The following DENND3 variants were observed in gnomAD, a reference collection of about 807,000 sequenced individuals.
The protein encoded by DENND3 is DENN domain containing 3, also known as DENN domain-containing protein 3.
Under a neutral mutation model 135.1 loss-of-function variants are expected in DENND3, and 88 were observed. The observed-to-expected ratio is 0.65, with a 90% confidence interval of 0.55 to 0.78. DENND3 has a LOEUF of 0.78. Ranked by LOEUF, DENND3 falls within the 30% of genes least tolerant of loss-of-function variation. DENND3 has a pLI of 0.00. For synonymous variants in DENND3, 693 were observed against 712.3 expected (o/e 0.97, Z 0.43); for missense variants, 1,392 against 1,688.4 (o/e 0.82, Z 3.08).
chr8:141,193,319 A>G (rs1251826435), intron 22 of DENND3: 4 of 153,320 alleles, frequency 2.6e-5, no homozygotes, highest in African/African-American at 9.8e-5. Flanking sequence ...CACCCCCTCC[A>G]TCACTACATC....
At chr8:141,191,366 C>T (rs1413425109) in intron 20 of DENND3, 1 of 152,266 alleles carries the variant, frequency 6.6e-6, no homozygotes, top group Non-Finnish European at 1.5e-5. Flanking sequence ...ATATCAATAG[C>T]TCGTTCCTTC....
Position 141,178,206 on chromosome 8 carries a change from G to A in DENND3, c.2836+10G>A. 4 of 1,606,762 alleles carry A rather than the reference G, an allele frequency of 2.5e-6. No individual in the cohort carries two copies. Among genetic ancestry groups the A allele is most frequent in the Non-Finnish European group, 3.4e-6 (4 of 1,173,688 alleles). Reference sequence around the variant, plus strand: ...AAGATGAGTAACGAAAGTAAGATAAGCCCGTTCTTAGCGTGGATCATTGTC... The same window carrying A: ...AAGATGAGTAACGAAAGTAAGATAAACCCGTTCTTAGCGTGGATCATTGTC... On this transcript the variant is annotated intron_variant, in intron 16 of 22. Transcript: ENST00000519811.
intron 8 of DENND3, chr8:141,157,351 G>T: frequency 1.0e-6 from 1 of 985,408 alleles, no homozygotes. Flanking sequence ...CAGTGCCAGG[G>T]CTCCCTCGGG....
At chr8:141,145,829 A>C (rs1448889528) in intron 5 of DENND3, among the ~76,000 whole-genome samples, 1 of 36,428 alleles carries the variant, frequency 2.7e-5, no homozygotes, top group Admixed American at 2.5e-4. Context: ...ATATATATAT[A>C]TATATATATA....
At chr8:141,185,528 A>G in intron 18 of DENND3, 1 of 428,456 alleles carries the variant, frequency 2.3e-6, no homozygotes, top group Non-Finnish European at 4.2e-6. Flanking sequence ...AACAGATTTC[A>G]GGCCCCCATC....
At chr8:141,145,849 A>G (rs1378813700) in intron 5 of DENND3, among the ~76,000 whole-genome samples, 3 of 65,526 alleles carry the variant, frequency 4.6e-5, no homozygotes, top group Admixed American at 2.0e-4. Context: ...ATATATATAT[A>G]TGTATTTTTT....
At chr8:141,161,696 C>T (rs1266252163) in intron 9 of DENND3, among the ~76,000 whole-genome samples, 1 of 152,158 alleles carries the variant, frequency 6.6e-6, no homozygotes, top group East Asian at 1.9e-4. Flanking sequence ...TGCTGGCCTC[C>T]TCTGTTCTTG....
At chr8:141,157,676 T>C in intron 8 of DENND3, 1 of 986,040 alleles carries the variant, frequency 1.0e-6, no homozygotes. Flanking sequence ...TTCACCTGGC[T>C]TTTCTGATTT....
intron 10 of DENND3, 137 bp from the exon 11 acceptor site, chr8:141,165,049 C>G (rs753002619): frequency 4.7e-6 from 3 of 643,752 alleles, no homozygotes; most frequent in South Asian, 2.0e-5. Flanking sequence ...AGAAAACCCT[C>G]GAGTTCATTC....
chr8:141,150,411 GA>G (rs1818659465), intron 5 of DENND3: 1 of 944,484 alleles, frequency 1.1e-6, no homozygotes, highest in Admixed American at 3.6e-5. Flanking sequence ...AAGGAGCTTT[GA>G]CTATTAAATT....
rs1377307336 is a variant in DENND3, at chr8:141,175,422, C to G, written c.2498C>G (p.Pro833Arg). The G allele has an allele frequency of 6.2e-7, 1 of 1,614,170 alleles. No homozygotes were observed. ...CTGTTCCTCCTAACCGAAGGAAGGC[C>G]AGGCTACTTGGAGATTTCCACCTTC... ...KRLFLLTEGR[P>R]GYLEISTFRN... The change falls in exon 14 of 23, where the codon CCA becomes CGA. Residue 833 changes from proline (P) to arginine (R), a missense_variant. Transcript: ENST00000519811. This position sits in a 1 kb window ranked among gnomAD's most constrained non-coding sequence, Gnocchi z 5.4.
chr8:141,182,155 G>A lies in DENND3; in HGVS notation c.2944+1301G>A, dbSNP rs771938752. Among the ~76,000 whole-genome samples the A allele has an allele frequency of 3.9e-5, 6 of 152,200 alleles. No homozygotes were observed. The highest frequency in any genetic ancestry group is 1.2e-4 in the African/African-American group (5 of 41,448). On this transcript the variant is annotated intron_variant, in intron 17 of 22. Coordinates refer to ENST00000519811, the MANE Select transcript of DENND3 (RefSeq NM_001352890.3). This position sits in a 1 kb window ranked among gnomAD's most constrained non-coding sequence, Gnocchi z 5.9. Reference sequence around the variant, plus strand: ...GCATCTGCGTCTGCAGGTGTCAGCCGTAGGTGTCAGGGATGCAGATGTAGG... The same window carrying A: ...GCATCTGCGTCTGCAGGTGTCAGCCATAGGTGTCAGGGATGCAGATGTAGG...
chr8:141,174,863 A>G lies in DENND3; in HGVS notation c.2276-337A>G, dbSNP rs1030516879. On this transcript the variant is annotated intron_variant, in intron 13 of 22. Transcript: ENST00000519811. This position sits in a 1 kb window ranked among gnomAD's most constrained non-coding sequence, Gnocchi z 4.6. ...GATGAGGAAGGTCTTTGCCCCCATTAGAAGAGTGTCCTTGTCCGGAAGGAC... is the reference window on the plus strand; with the variant it reads ...GATGAGGAAGGTCTTTGCCCCCATTGGAAGAGTGTCCTTGTCCGGAAGGAC... Among the ~76,000 whole-genome samples, 2 of 152,196 alleles carry G rather than the reference A, an allele frequency of 1.3e-5. No homozygotes were observed. The highest frequency in any genetic ancestry group is 4.8e-5 in the African/African-American group (2 of 41,432).
At chr8:141,193,973 C>T in intron 22 of DENND3, 60 bp from the exon 23 acceptor site, 1 of 1,564,902 alleles carries the variant, frequency 6.4e-7, no homozygotes, top group Admixed American at 1.8e-5. Flanking sequence ...CCGGGCAAAG[C>T]CCTGGTGCTC....
intron 18 of DENND3, among the ~76,000 whole-genome samples, chr8:141,186,981 C>T (rs1823975260): frequency 6.6e-6 from 1 of 152,204 alleles, no homozygotes; most frequent in Non-Finnish European, 1.5e-5. Flanking sequence ...CCGTGGCCTG[C>T]GCGCCCTTTG....
chr8:141,168,638 T>G lies in DENND3; in HGVS notation c.2275+113T>G, dbSNP rs1265820183. ...ACAGCTCACTGCAACCTCCACCTCC[T>G]GGGCTCAAGCAGTCCTCCCACCTCA... On this transcript the variant is annotated intron_variant, in intron 13 of 22. Transcript: ENST00000519811. This position sits in a 1 kb window ranked among gnomAD's most constrained non-coding sequence, Gnocchi z 6.2. 1 of 1,360,788 alleles carries G rather than the reference T, an allele frequency of 7.3e-7. No homozygotes were observed. The highest frequency in any genetic ancestry group is 9.9e-7 in the Non-Finnish European group (1 of 1,014,730). The allele number at this position is 1,360,788 out of a possible 1,614,324, so 84.3% of individuals were successfully genotyped here.
chr8:141,191,287 T>C (rs1406734550), intron 20 of DENND3: 1 of 152,266 alleles, frequency 6.6e-6, no homozygotes, highest in Non-Finnish European at 1.5e-5. Context: ...CAGTAGGCCT[T>C]CTTCTGTATC....
chr8:141,190,661 CG>C, intron 20 of DENND3: 2 of 493,574 alleles, frequency 4.1e-6, no homozygotes, highest in Admixed American at 4.2e-5. Flanking sequence ...CTTGCCTGGA[CG>C]CACCACTGCT....
intron 13 of DENND3, among the ~76,000 whole-genome samples, chr8:141,173,202 G>A (rs942819924): frequency 6.6e-6 from 1 of 152,260 alleles, no homozygotes; most frequent in East Asian, 1.9e-4. Context: ...GGCCTGACAG[G>A]CCCCGCCCAC....
Sources: gnomAD v4.1 joint callset for allele counts (sites outside exome capture counted in the v4.1 genomes callset) on GRCh38, gnomAD v4.1.1 for gene constraint, Gnocchi (gnomAD v3.1) non-coding constraint, MANE v1.5 for transcripts, NCBI Gene and HGNC (gene_info 2026-07-23, HGNC 2026-07-21) for gene names.